WASL: variants seen among roughly 807,000 people sequenced by gnomAD.
The protein encoded by WASL is WASP like actin nucleation promoting factor.
A neutral mutation model predicts 55.5 loss-of-function variants in WASL; 20 were observed. That is an observed-to-expected ratio of 0.36 (90% CI 0.25 to 0.52). WASL has a LOEUF of 0.52. Ranked by LOEUF, WASL falls within the 20% of genes least tolerant of loss-of-function variation. The pLI is 0.92. For synonymous variants in WASL, 249 were observed against 217.6 expected, an observed-to-expected ratio of 1.14 and a Z score of -1.27; for missense variants, 504 against 622.5, an observed-to-expected ratio of 0.81 and a Z score of 2.03.
chr7:123,715,862 G>A (rs1803832827), intron 1 of WASL, among the ~76,000 whole-genome samples: 1 of 152,228 alleles, frequency 6.6e-6, no homozygotes, highest in South Asian at 2.1e-4. Context: ...AACTAAAAAT[G>A]GCAAGTCTTA....
rs140222857 is a variant in WASL at position 123,721,683 on chromosome 7, T to A, written c.118-12460A>T. 4.0e-3 allele frequency among the ~76,000 whole-genome samples: 611 copies of A among 152,266 alleles called. 2 individuals are homozygous for A. Among genetic ancestry groups the A allele is most frequent in the Non-Finnish European group, 6.3e-3 (426 of 68,018 alleles). On this transcript the variant is annotated intron_variant, in intron 1 of 10. Transcript: ENST00000223023. ...GCTCACATCTGTAATTTCAGCACTT[T>A]GGGAGGCCAAGGAGAGTGGATCACC...
At chr7:123,712,638 C>A (rs926148538) in intron 1 of WASL, among the ~76,000 whole-genome samples, 1 of 152,116 alleles carries the variant, frequency 6.6e-6, no homozygotes, top group Non-Finnish European at 1.5e-5. Context: ...TTAACAAGCA[C>A]GAATGATTCA....
At chr7:123,740,375 G>A (rs993075950) in intron 1 of WASL, among the ~76,000 whole-genome samples, 2 of 152,002 alleles carry the variant, frequency 1.3e-5, no homozygotes, top group Admixed American at 6.6e-5. Flanking sequence ...TTTCTAATTA[G>A]TTTTACTCTC....
intron 5 of WASL, among the ~76,000 whole-genome samples, chr7:123,697,290 C>T (rs941565912): frequency 2.6e-5 from 4 of 152,098 alleles, no homozygotes; most frequent in African/African-American, 9.7e-5. Flanking sequence ...TACGCATACA[C>T]CTTGACTATC....
At position 123,733,952 on chromosome 7, in the gene WASL, C is replaced by T. The variant is rs541214763; in HGVS notation, c.117+14666G>A. Among the ~76,000 whole-genome samples, 5 of 149,364 alleles carry T rather than the reference C, an allele frequency of 3.3e-5. No homozygotes were observed. In the South Asian group the frequency reaches 1.1e-3, roughly 32 times the overall value. On this transcript the variant is annotated intron_variant, in intron 1 of 10. Transcript: ENST00000223023. ...AAAAAAAATCAAATCCAGGCACTGA[C>T]CTTATGACTTACACAGAAATTAACT...
In WASL at chr7:123,692,663, G is replaced by A. The variant is rs534592204; in HGVS notation, c.1031C>T (p.Pro344Leu). The change falls in exon 9 of 11, where the codon CCT (proline) becomes CTT (leucine). Residue 344 changes from proline to leucine, a missense_variant. Pro to Leu is a moderately conservative substitution (Grantham distance 98). Around this residue, in one of 5 missense-constraint regions of WASL, gnomAD observed 201 missense variants for 206.2 expected, o/e 0.97. Transcript: ENST00000223023. ...GGAGGGAAGGGCTGGAGGTGGAGGA[G>A]GGTACATCCTATTTGGCGGTGGTGG... ...VPPPPPNRMY[P>L]PPPPALPSSA... is the part of the protein sequence containing the mutation. 10 of 1,555,512 alleles carry A rather than the reference G, an allele frequency of 6.4e-6. No individual in the cohort carries two copies. In the South Asian group the frequency reaches 7.3e-5, roughly 11 times the overall value.
chr7:123,708,610 C>A (rs1035727524), intron 2 of WASL, among the ~76,000 whole-genome samples: 1 of 151,966 alleles, frequency 6.6e-6, no homozygotes, highest in African/African-American at 2.4e-5. Flanking sequence ...ATATATCTAT[C>A]ATGAGAAACA....
chr7:123,694,119 T>C (rs1327646729), intron 8 of WASL, among the ~76,000 whole-genome samples: 1 of 152,172 alleles, frequency 6.6e-6, no homozygotes, highest in Non-Finnish European at 1.5e-5. Context: ...GCAGTCCTAA[T>C]AAGGTAGCAA....
At chr7:123,742,039 C>A (rs903511304) in intron 1 of WASL, among the ~76,000 whole-genome samples, 1 of 152,152 alleles carries the variant, frequency 6.6e-6, no homozygotes, top group Admixed American at 6.5e-5. Flanking sequence ...AAAATCCCTA[C>A]AACTGTCCAC....
chr7:123,714,529 A>G (rs887912126), intron 1 of WASL, among the ~76,000 whole-genome samples: 2 of 152,214 alleles, frequency 1.3e-5, no homozygotes, highest in Non-Finnish European at 1.5e-5. Flanking sequence ...CCAGATAGAA[A>G]CAGCTGCTAT....
intron 5 of WASL, among the ~76,000 whole-genome samples, chr7:123,698,070 T>C (rs1584858393): frequency 6.6e-6 from 1 of 152,130 alleles, no homozygotes; most frequent in Admixed American, 6.5e-5. Flanking sequence ...TTTTTTTTTT[T>C]ATGAACTTCA....
intron 1 of WASL, among the ~76,000 whole-genome samples, chr7:123,740,839 G>C (rs748709864): frequency 1.3e-5 from 2 of 152,128 alleles, no homozygotes; most frequent in South Asian, 4.1e-4. Context: ...TCCTGCCTCA[G>C]CCTCCCAAAG....
intron 1 of WASL, among the ~76,000 whole-genome samples, chr7:123,714,994 A>AG (rs1325043129): frequency 6.6e-6 from 1 of 152,148 alleles, no homozygotes; most frequent in African/African-American, 2.4e-5. Context: ...AGGAAATAAG[A>AG]AAGAGAAGAG....
chr7:123,748,696 C>T lies in WASL; in HGVS notation c.39G>A (p.Arg13=), dbSNP rs758953140. The change falls in exon 1 of 11, where the codon AGG becomes AGA. Residue 13 remains arginine (R), a synonymous_variant. Coordinates refer to ENST00000223023, the MANE Select transcript of WASL (RefSeq NM_003941.4). ...SVQQQPPPPR[R]VTNVGSLLLT... ...GCAACAGGGACCCCACGTTGGTGAC[C>T]CTCCGCGGCGGCGGCGGCTGCTGCT... 1.2e-6 allele frequency: 2 copies of T among 1,610,448 alleles called. No individual in the cohort carries two copies. Among genetic ancestry groups the T allele is most frequent in the Admixed American group, 1.7e-5 (1 of 59,738 alleles).
intron 1 of WASL, among the ~76,000 whole-genome samples, chr7:123,746,285 G>A (rs1274096623): frequency 6.6e-6 from 1 of 152,152 alleles, no homozygotes; most frequent in Non-Finnish European, 1.5e-5. Flanking sequence ...CATGTTTGTT[G>A]AATGAAAGAA....
intron 1 of WASL, among the ~76,000 whole-genome samples, chr7:123,720,681 C>G (rs117478067): frequency 0.016 from 2,307 of 144,512 alleles, 26 homozygotes; most frequent in Non-Finnish European, 0.025. Context: ...GATGGAGTCT[C>G]ATTCTCTCGC....
Position 123,692,593 on chromosome 7 carries a change from C to T in WASL, c.1101G>A (p.Gly367=). The T allele has an allele frequency of 1.2e-6, 2 of 1,608,382 alleles. No individual in the cohort carries two copies. Among genetic ancestry groups the T allele is most frequent in the African/African-American group, 1.3e-5 (1 of 74,548 alleles). ...GPPPPPPSVL[G]VGPVAPPPPP... ...GTGGGGGTGGTGCCACTGGCCCTAC[C>T]CCCAACACAGATGGAGGTGGTGGTG... is the stretch of plus-strand genomic sequence containing the variant. Residue 367 remains glycine, a synonymous_variant, in exon 9 of 11, where the codon GGG becomes GGA. Coordinates refer to ENST00000223023, the MANE Select transcript of WASL (RefSeq NM_003941.4).
intron 1 of WASL, among the ~76,000 whole-genome samples, chr7:123,738,176 T>TAATC (rs960530858): frequency 5.3e-5 from 8 of 151,922 alleles, no homozygotes; most frequent in Admixed American, 6.6e-5. Context: ...AGAGGTTAAT[T>TAATC]ACACATAAAT....
intron 5 of WASL, among the ~76,000 whole-genome samples, chr7:123,700,783 G>A (rs542377996): frequency 5.3e-5 from 8 of 152,222 alleles, no homozygotes; most frequent in African/African-American, 1.7e-4. Flanking sequence ...CAAACTACAA[G>A]GTGGATAACA....
Sources: allele counts gnomAD v4.1 joint callset (sites outside exome capture counted in the v4.1 genomes callset), GRCh38; gene constraint gnomAD v4.1.1; regional missense constraint gnomAD v4.1.1; transcripts MANE v1.5; gene names NCBI Gene and HGNC (gene_info 2026-07-23, HGNC 2026-07-21).